PLEKHA4: variants seen among roughly 807,000 people sequenced by gnomAD.
The protein encoded by PLEKHA4 is pleckstrin homology domain-containing family A member 4.
PLEKHA4 carries 73 observed loss-of-function variants against 94.7 expected under a neutral mutation model. The ratio of observed to expected loss-of-function variants is 0.77; its 90% confidence interval spans 0.64 to 0.94. The LOEUF is 0.94. Ranked by LOEUF, PLEKHA4 falls within the 40% of genes least tolerant of loss-of-function variation. PLEKHA4 has a pLI of 0.00. For missense variants in PLEKHA4, 1,049 were observed against 1,054.1 expected (o/e 1.00, Z 0.07); for synonymous variants, 449 against 437.1 (o/e 1.03, Z -0.34).
chr19:48,859,154 GA>G lies in PLEKHA4; in HGVS notation c.693-16del. ...GGGTGAACAGGCTGTGGGAAGGAGA[GA>G]ATCGGGGAACTGAGTCAACTAGAGC... is the stretch of plus-strand genomic sequence containing the variant. On this transcript the variant is annotated splice_polypyrimidine_tract_variant and intron_variant, in intron 7 of 19. Transcript: ENST00000263265. 3 of 1,517,028 alleles carry G rather than the reference GA, an allele frequency of 2.0e-6. No homozygotes were observed. The highest frequency in any genetic ancestry group is 2.6e-6 in the Non-Finnish European group (3 of 1,134,438). 94.0% of individuals were successfully genotyped at this position (1,517,028 alleles called of 1,614,324 possible).
At chr19:48,864,375 C>T (rs2036756732) in intron 3 of PLEKHA4, among the ~76,000 whole-genome samples, 1 of 152,076 alleles carries the variant, frequency 6.6e-6, no homozygotes, top group South Asian at 2.1e-4. Context: ...GCCATGTTGA[C>T]CAGGCTGGTC....
At chr19:48,860,112 C>T in intron 6 of PLEKHA4, 1 of 582,746 alleles carries the variant, frequency 1.7e-6, no homozygotes, top group Non-Finnish European at 3.1e-6. Context: ...GAGCTGAGTG[C>T]GTGACTGAAG....
At chr19:48,842,142 T>TC (rs2035792462) in intron 16 of PLEKHA4, among the ~76,000 whole-genome samples, 1 of 137,086 alleles carries the variant, frequency 7.3e-6, no homozygotes, top group African/African-American at 3.3e-5. Flanking sequence ...TAATTTATTT[T>TC]CTTTTTTTTT....
At chr19:48,846,804 G>A (rs920810330) in intron 14 of PLEKHA4, among the ~76,000 whole-genome samples, 4 of 152,140 alleles carry the variant, frequency 2.6e-5, no homozygotes, top group African/African-American at 9.7e-5. Flanking sequence ...GGAGCCAGAT[G>A]TCCTGGCTTC....
At position 48,862,204 on chromosome 19, in the gene PLEKHA4, C is replaced by CTTTT. The variant is rs747491446; in HGVS notation, c.193-516_193-513dup. On this transcript the variant is annotated intron_variant, in intron 3 of 19. Transcript: ENST00000263265. ...GCCCTACTTCTTTTCTTTTCTCTCT[C>CTTTT]TTTTTTTTTTTTTTTTGACAGAGTC... 8.6e-3 allele frequency among the ~76,000 whole-genome samples: 1,167 copies of CTTTT among 135,500 alleles called. 20 individuals are homozygous for CTTTT. The highest frequency in any genetic ancestry group is 0.03 in the African/African-American group (1,090 of 36,680). The allele number at this position is 135,500 out of a possible 152,430, so 88.9% of individuals were successfully genotyped here.
Position 48,837,433 on chromosome 19 carries a change from C to A in PLEKHA4, c.2196G>T (p.Thr732=), listed in dbSNP as rs750126214. 13 of 1,613,384 alleles carry A rather than the reference C, an allele frequency of 8.1e-6. No homozygotes were observed. The highest frequency in any genetic ancestry group is 2.2e-5 in the East Asian group (1 of 44,874). ...GCCCACTCCCTCGGCGAGAGAACCC[C>A]GTGGAACCCGAATTAGCCACCGGGG... ...RSPPVANSGS[T]GFSRRGSGRG... is the part of the protein sequence containing the mutation. Residue 732 remains threonine (T), a synonymous_variant, in exon 20 of 20, where the codon ACG becomes ACT. Transcript: ENST00000263265. This position sits in a 1 kb window ranked among gnomAD's most constrained non-coding sequence, Gnocchi z 4.3.
Position 48,838,133 on chromosome 19 carries a change from G to GAA in PLEKHA4, c.1965-6_1965-5dup. 4.0e-6 allele frequency: 5 copies of GAA among 1,246,274 alleles called. No individual in the cohort carries two copies. The highest frequency in any genetic ancestry group is 2.3e-5 in the Admixed American group (1 of 43,140). The allele number at this position is 1,246,274 out of a possible 1,614,324, so 77.2% of individuals were successfully genotyped here. Reference sequence around the variant, plus strand: ...GTAAGGGGTGGTGTTCCTTGGACTAGAAAAAAAAAGAAGATTGGGGGTGGG... The same window carrying GAA: ...GTAAGGGGTGGTGTTCCTTGGACTAGAAAAAAAAAAAGAAGATTGGGGGTGGG... On this transcript the variant is annotated splice_polypyrimidine_tract_variant and splice_region_variant and intron_variant, in intron 18 of 19. Transcript: ENST00000263265.
In PLEKHA4 at chr19:48,845,564, C is replaced by A. The variant is rs2122949593; in HGVS notation, c.1619G>T (p.Trp540Leu). The change falls in exon 15 of 20, where the codon TGG (tryptophan) becomes TTG (leucine). Residue 540 changes from tryptophan to leucine, a missense_variant. Physicochemically the swap from Trp to Leu is moderately conservative, Grantham distance 61. Coordinates refer to ENST00000263265, the MANE Select transcript of PLEKHA4 (RefSeq NM_020904.3). ...LSSPRSPETDWGRPPGGDKDL... is the reference protein window; with the variant it reads ...LSSPRSPETDLGRPPGGDKDL... ...TTTGTCGCCTCCAGGAGGCCGCCCCCAGTCAGTCTCGGGGGACCTAGGGGA... is the reference window on the plus strand; with the variant it reads ...TTTGTCGCCTCCAGGAGGCCGCCCCAAGTCAGTCTCGGGGGACCTAGGGGA... The A allele has an allele frequency of 6.2e-7, 1 of 1,611,158 alleles. No individual in the cohort carries two copies. The highest frequency in any genetic ancestry group is 2.2e-5 in the East Asian group (1 of 44,800).
intron 9 of PLEKHA4, among the ~76,000 whole-genome samples, chr19:48,856,485 C>T (rs1449150594): frequency 1.3e-5 from 2 of 151,720 alleles, no homozygotes; most frequent in Non-Finnish European, 2.9e-5. Flanking sequence ...TTTGGGAGGC[C>T]GAGGCGGGAG....
Position 48,837,631 on chromosome 19 carries a change from C to A in PLEKHA4, c.2078-80G>T, listed in dbSNP as rs2035584251. The A allele has an allele frequency of 2.6e-6, 4 of 1,531,134 alleles. No individual in the cohort carries two copies. The Admixed American group carries it at 7.7e-5, about 30-fold the overall frequency. The allele number at this position is 1,531,134 out of a possible 1,614,324, so 94.8% of individuals were successfully genotyped here. On this transcript the variant is annotated intron_variant, in intron 19 of 19. Transcript: ENST00000263265. This position sits in a 1 kb window ranked among gnomAD's most constrained non-coding sequence, Gnocchi z 4.3. ...ATTCCCAGCCCCTCCTCCCTCAGACCCAGGACTCCGGATTCCCAGCCCCTC... is the reference window on the plus strand; with the variant it reads ...ATTCCCAGCCCCTCCTCCCTCAGACACAGGACTCCGGATTCCCAGCCCCTC...
intron 3 of PLEKHA4, 80 bp downstream of exon 3, chr19:48,865,423 T>C: frequency 1.0e-6 from 1 of 973,086 alleles, no homozygotes; most frequent in South Asian, 1.5e-5. Flanking sequence ...GAAAGCCTAT[T>C]TGGGGACTTG....
intron 18 of PLEKHA4, among the ~76,000 whole-genome samples, chr19:48,838,834 G>A (rs1217219096): frequency 6.6e-6 from 1 of 151,736 alleles, no homozygotes; most frequent in Non-Finnish European, 1.5e-5. Flanking sequence ...GTGGGGACCC[G>A]GGTACCGCAC....
intron 16 of PLEKHA4, among the ~76,000 whole-genome samples, chr19:48,844,186 G>A (rs1478845114): frequency 1.3e-5 from 2 of 148,456 alleles, no homozygotes; most frequent in Non-Finnish European, 3.0e-5. Flanking sequence ...ACAGAGTCTC[G>A]CTCTGTTGCC....
Position 48,861,412 on chromosome 19 carries a change from A to G in PLEKHA4, c.355T>C (p.Phe119Leu), listed in dbSNP as rs2036633863. 6.2e-7 allele frequency: 1 copy of G among 1,613,404 alleles called. No individual in the cohort carries two copies. Among genetic ancestry groups the G allele is most frequent in the Non-Finnish European group, 8.5e-7 (1 of 1,179,902 alleles). The change falls in exon 5 of 20, where the codon TTC becomes CTC. Residue 119 changes from phenylalanine to leucine, a missense_variant. Transcript: ENST00000263265. ...ATGGATGGACTCACGGTGAAGGTGA[A>G]GCGCCGCCCTCGGGGGGCTCCCGGC... ...DGPGAPRGRR[F>L]TFTAEHPGMR... is the part of the protein sequence containing the mutation.
At chr19:48,847,667 G>A (rs1316940501) in intron 14 of PLEKHA4, among the ~76,000 whole-genome samples, 1 of 152,160 alleles carries the variant, frequency 6.6e-6, no homozygotes, top group South Asian at 2.1e-4. Flanking sequence ...AGGAGGTGGA[G>A]GTTGCAGTGA....
At position 48,837,135 on chromosome 19, in the gene PLEKHA4, G is replaced by T; in HGVS notation, c.*154C>A. On this transcript the variant is annotated 3_prime_UTR_variant, in exon 20 of 20. Coordinates refer to ENST00000263265, the MANE Select transcript of PLEKHA4 (RefSeq NM_020904.3). This position sits in a 1 kb window ranked among gnomAD's most constrained non-coding sequence, Gnocchi z 4.3. ...TTTTAATCCAAATTTAGACAGTGTT[G>T]AGAAAACCAAACTTTGGCCATAGAA... 9.5e-7 allele frequency: 1 copy of T among 1,047,776 alleles called. No individual in the cohort carries two copies. The highest frequency in any genetic ancestry group is 1.4e-6 in the Non-Finnish European group (1 of 698,412). The allele number at this position is 1,047,776 out of a possible 1,614,324, so 64.9% of individuals were successfully genotyped here. A position where few individuals can be genotyped will look rare whatever the true frequency, so the allele number is the denominator to read the frequency against.
chr19:48,853,476 G>A (rs952844253), intron 12 of PLEKHA4, among the ~76,000 whole-genome samples: 7 of 150,776 alleles, frequency 4.6e-5, no homozygotes, highest in Admixed American at 4.6e-4. Context: ...TCCAGCCTGG[G>A]CGACAGAGCA....
chr19:48,851,017 T>C (rs1461911487), intron 13 of PLEKHA4, among the ~76,000 whole-genome samples: 2 of 151,906 alleles, frequency 1.3e-5, no homozygotes, highest in Admixed American at 6.6e-5. Flanking sequence ...GGTGGTCATC[T>C]GTAATCCCAG....
At chr19:48,861,584 GC>G (rs759635423) in intron 4 of PLEKHA4, 35 bp downstream of exon 4, 1 of 1,611,868 alleles carries the variant, frequency 6.2e-7, no homozygotes, top group Non-Finnish European at 8.5e-7. Context: ...GGGCGGGGGG[GC>G]CCTCCCACCC....
Sources: allele counts gnomAD v4.1 joint callset (sites outside exome capture counted in the v4.1 genomes callset), GRCh38; gene constraint gnomAD v4.1.1; non-coding constraint Gnocchi (gnomAD v3.1); transcripts MANE v1.5; gene names NCBI Gene and HGNC (gene_info 2026-07-23, HGNC 2026-07-21).